Variants in DLC1 observed in about 807,000 individuals in gnomAD.
DLC1 encodes rho GTPase-activating protein 7.
DLC1 carries 54 observed loss-of-function variants against 140.3 expected under a neutral mutation model. The observed-to-expected ratio is 0.38, with a 90% CI of 0.31 to 0.48. The LOEUF is 0.48. Among genes scored for constraint, DLC1 ranks in the 20% least tolerant of loss-of-function variants. The pLI is 0.96. For missense variants in DLC1, 2,536 were observed against 1,907.0 expected, an observed-to-expected ratio of 1.33 and a Z score of -6.14; for synonymous variants, 986 against 728.1, an observed-to-expected ratio of 1.35 and a Z score of -5.70.
chr8:13,464,108 G>A (rs914866056), intron 2 of DLC1, among the ~76,000 whole-genome samples: 1 of 152,182 alleles, frequency 6.6e-6, no homozygotes, highest in East Asian at 1.9e-4. Flanking sequence ...CAGCAGGGTT[G>A]TTGTTGGATT....
intron 1 of DLC1, among the ~76,000 whole-genome samples, chr8:13,561,261 A>G (rs1398003685): frequency 6.6e-6 from 1 of 152,114 alleles, no homozygotes; most frequent in East Asian, 1.9e-4. Flanking sequence ...CTAGGACTAG[A>G]GGTGCACACC....
At chr8:13,600,020 T>G (rs927094636) in intron 1 of DLC1, among the ~76,000 whole-genome samples, 7 of 152,030 alleles carry the variant, frequency 4.6e-5, no homozygotes, top group African/African-American at 1.7e-4. Flanking sequence ...AGCACTACTT[T>G]CTTTCGTTAG....
At chr8:13,318,828 T>C (rs1270855901) in intron 4 of DLC1, among the ~76,000 whole-genome samples, 1 of 152,246 alleles carries the variant, frequency 6.6e-6, no homozygotes, top group Non-Finnish European at 1.5e-5. Context: ...TCTTTCTGAA[T>C]ACCTTTGCTA....
At chr8:13,258,656 G>C (rs2117318985) in intron 5 of DLC1, among the ~76,000 whole-genome samples, 1 of 152,266 alleles carries the variant, frequency 6.6e-6, no homozygotes, top group Non-Finnish European at 1.5e-5. Flanking sequence ...TAAGTTGGTT[G>C]TTGCAGTACT....
chr8:13,409,032 T>C (rs1268467421), intron 2 of DLC1, among the ~76,000 whole-genome samples: 1 of 152,082 alleles, frequency 6.6e-6, no homozygotes, highest in Non-Finnish European at 1.5e-5. Context: ...TTTAAAGTCT[T>C]GTATTGACCT....
intron 4 of DLC1, among the ~76,000 whole-genome samples, chr8:13,382,424 G>A (rs1184592941): frequency 1.4e-5 from 2 of 143,440 alleles, no homozygotes; most frequent in African/African-American, 2.6e-5. Context: ...GGAGAATGGC[G>A]TGAACCCCAG....
At chr8:13,304,105 AAGATACTGG>A (rs769221601) in intron 5 of DLC1, among the ~76,000 whole-genome samples, 3 of 152,218 alleles carry the variant, frequency 2.0e-5, no homozygotes, top group Non-Finnish European at 4.4e-5. Flanking sequence ...ACAGCTATGT[AAGATACTGG>A]AGATTTAAAA....
intron 1 of DLC1, among the ~76,000 whole-genome samples, chr8:13,588,776 A>G (rs753754020): frequency 7.2e-5 from 11 of 152,016 alleles, no homozygotes; most frequent in Non-Finnish European, 1.2e-4. Flanking sequence ...TGGTTAAGTG[A>G]TATTTATTAG....
rs376193630 is a variant in DLC1 at position 13,560,435 on chromosome 8, A to T, written c.-126+44102T>A. 5.4e-5 allele frequency among the ~76,000 whole-genome samples: 8 copies of T among 149,148 alleles called. No individual in the cohort carries two copies. In the East Asian group the frequency reaches 1.6e-3, roughly 30 times the overall value. On this transcript the variant is annotated intron_variant, in intron 1 of 1. Coordinates refer to the DLC1 transcript ENST00000631382. ...ACGTGTACTCACAAGGCCCCCACAG[A>T]TGTTCACCTAAAATAAAGATACTTC...
chr8:13,460,825 G>A (rs558596448), intron 2 of DLC1, among the ~76,000 whole-genome samples: 18 of 152,342 alleles, frequency 1.2e-4, no homozygotes, highest in African/African-American at 4.3e-4. Flanking sequence ...CCTGTGCTCT[G>A]TGCGTTGATT....
Position 13,212,677 on chromosome 8 carries a change from G to A in DLC1, c.1348+92592C>T, listed in dbSNP as rs118085715. On this transcript the variant is annotated intron_variant, in intron 5 of 17. Coordinates refer to ENST00000276297, the MANE Select transcript of DLC1 (RefSeq NM_182643.3). ...CCCGTTTTTAATGATGGACTGCACA[G>A]TATTATTGACGGTGCTTGTGCTTTC... 9.0e-3 allele frequency among the ~76,000 whole-genome samples: 1,373 copies of A among 152,230 alleles called. 17 individuals carry two copies. Among genetic ancestry groups the A allele is most frequent in the Non-Finnish European group, 0.012 (833 of 68,004 alleles).
At chr8:13,574,873 G>C (rs1480302943) in intron 1 of DLC1, among the ~76,000 whole-genome samples, 1 of 152,140 alleles carries the variant, frequency 6.6e-6, no homozygotes, top group Non-Finnish European at 1.5e-5. Context: ...AAACATGTTA[G>C]TTTATTTCAT....
At chr8:13,530,804 T>C (rs1803071330) in intron 1 of DLC1, among the ~76,000 whole-genome samples, 1 of 152,184 alleles carries the variant, frequency 6.6e-6, no homozygotes. Context: ...TCCAAACTAT[T>C]ACAGCATTTC....
chr8:13,414,399 G>T (rs1323792265), intron 2 of DLC1, among the ~76,000 whole-genome samples: 1 of 152,150 alleles, frequency 6.6e-6, no homozygotes, highest in Non-Finnish European at 1.5e-5. Context: ...ACTTGGTGAT[G>T]ATCTCCTTTT....
chr8:13,102,998 A>G (rs1385155118), intron 7 of DLC1, 145 bp from the exon 8 acceptor site: 1 of 684,012 alleles, frequency 1.5e-6, no homozygotes, highest in Non-Finnish European at 2.4e-6. Context: ...TTAGAAACTT[A>G]TTTAAAAAGT....
At chr8:13,226,402 T>C (rs1300263756) in intron 5 of DLC1, among the ~76,000 whole-genome samples, 2 of 152,196 alleles carry the variant, frequency 1.3e-5, no homozygotes, top group African/African-American at 4.8e-5. Flanking sequence ...CATAGCATTT[T>C]ACAGAGATCT....
chr8:13,233,077 T>G (rs907727248), intron 5 of DLC1, among the ~76,000 whole-genome samples: 1 of 152,040 alleles, frequency 6.6e-6, no homozygotes, highest in East Asian at 1.9e-4. Flanking sequence ...GATGTATCAC[T>G]TGAGGCCAGT....
At chr8:13,124,776 C>T (rs1158936023) in intron 5 of DLC1, among the ~76,000 whole-genome samples, 1 of 152,164 alleles carries the variant, frequency 6.6e-6, no homozygotes, top group Non-Finnish European at 1.5e-5. Flanking sequence ...CCCATTTCAC[C>T]TTCTCTCTAA....
intron 5 of DLC1, among the ~76,000 whole-genome samples, chr8:13,223,284 C>A (rs564249750): frequency 6.6e-6 from 1 of 152,138 alleles, no homozygotes; most frequent in Admixed American, 6.6e-5. Context: ...AGAACAACCC[C>A]GCCCCCAGCA....
Sources: gnomAD v4.1 joint callset for allele counts (sites outside exome capture counted in the v4.1 genomes callset) on GRCh38, gnomAD v4.1.1 for gene constraint, MANE v1.5 for transcripts, NCBI Gene and HGNC (gene_info 2026-07-23, HGNC 2026-07-21) for gene names.